The following SNX29 variants were observed in gnomAD, a reference collection of about 807,000 sequenced individuals.
The protein encoded by SNX29 is sorting nexin 29.
SNX29 carries 78 observed loss-of-function variants against 102.1 expected under a neutral mutation model. The observed-to-expected ratio is 0.76, with a 90% CI of 0.64 to 0.92. The LOEUF is 0.92. SNX29 is among the 40% of genes least tolerant of loss of function. The pLI is 0.00. For synonymous variants in SNX29, 580 were observed against 414.5 expected (o/e 1.40, Z -4.85); for missense variants, 1,280 against 1,061.7 (o/e 1.21, Z -2.86).
chr16:12,105,218 TCCC>T (rs2053182791), intron 11 of SNX29, among the ~76,000 whole-genome samples: 6 of 103,266 alleles, frequency 5.8e-5, no homozygotes, highest in Non-Finnish European at 9.9e-5. Flanking sequence ...CCTCCCTCCC[TCCC>T]TCCCTCCCTT....
At position 12,537,377 on chromosome 16, in the gene SNX29, AAGAG is replaced by A. The variant is rs1567670250; in HGVS notation, c.2318+12537_2318+12540del. On this transcript the variant is annotated intron_variant, in intron 20 of 20. Coordinates refer to ENST00000566228, the MANE Select transcript of SNX29 (RefSeq NM_032167.5). ...CATTGGCAACTTGGTGCATGACAGA[AAGAG>A]CAAGACTTTGAGCCAAACAGACCTG... 2.0e-5 allele frequency among the ~76,000 whole-genome samples: 3 copies of A among 152,360 alleles called. No homozygotes were observed. The South Asian group carries it at 6.2e-4, about 32-fold the overall frequency.
intron 19 of SNX29, among the ~76,000 whole-genome samples, chr16:12,493,305 T>C (rs1390315276): frequency 6.6e-6 from 1 of 152,206 alleles, no homozygotes; most frequent in African/African-American, 2.4e-5. Flanking sequence ...CAATTGTGAA[T>C]GGGAGTTCAC....
intron 8 of SNX29, 87 bp downstream of exon 8, chr16:12,052,309 C>T (rs552944103): frequency 5.4e-5 from 79 of 1,459,388 alleles, no homozygotes; most frequent in East Asian, 4.4e-4. Flanking sequence ...CTCCACCTCC[C>T]GGGTTCAAGC....
At chr16:12,463,122 G>C (rs764072357) in intron 18 of SNX29, among the ~76,000 whole-genome samples, 1 of 152,178 alleles carries the variant, frequency 6.6e-6, no homozygotes, top group Non-Finnish European at 1.5e-5. Context: ...AGGACGCCAG[G>C]CTCCTGGGCA....
chr16:12,565,995 C>G (rs1226296792), intron 20 of SNX29, among the ~76,000 whole-genome samples: 1 of 152,050 alleles, frequency 6.6e-6, no homozygotes, highest in Non-Finnish European at 1.5e-5. Context: ...CACTTCTGCA[C>G]CCCTTCATGC....
intron 18 of SNX29, among the ~76,000 whole-genome samples, chr16:12,470,910 A>G (rs1277572567): frequency 1.3e-5 from 2 of 152,162 alleles, no homozygotes; most frequent in Non-Finnish European, 2.9e-5. Context: ...CCTCACAACC[A>G]CCCAGTGACA....
intron 18 of SNX29, among the ~76,000 whole-genome samples, chr16:12,435,218 C>A (rs912843819): frequency 6.6e-6 from 1 of 152,204 alleles, no homozygotes; most frequent in Non-Finnish European, 1.5e-5. Context: ...TCCTCCCATC[C>A]CAAGAAATCA....
At chr16:12,160,719 A>G (rs1251515091) in intron 13 of SNX29, among the ~76,000 whole-genome samples, 1 of 152,196 alleles carries the variant, frequency 6.6e-6, no homozygotes. Context: ...TATCTTAAGG[A>G]AGATTAGAAA....
At chr16:12,305,902 T>C (rs1023566219) in intron 15 of SNX29, among the ~76,000 whole-genome samples, 1 of 152,166 alleles carries the variant, frequency 6.6e-6, no homozygotes, top group African/African-American at 2.4e-5. Context: ...CTCTGTAATA[T>C]GCCAATTCTC....
intron 19 of SNX29, among the ~76,000 whole-genome samples, chr16:12,522,553 G>T (rs1332595076): frequency 3.3e-5 from 5 of 152,136 alleles, no homozygotes; most frequent in Non-Finnish European, 7.3e-5. Context: ...GATCATGGGG[G>T]TGGATTTCCT....
chr16:12,330,601 G>A (rs2081266432), intron 15 of SNX29, among the ~76,000 whole-genome samples: 1 of 152,188 alleles, frequency 6.6e-6, no homozygotes, highest in South Asian at 2.1e-4. Flanking sequence ...GAGTCCCAGT[G>A]GGTTGAAATA....
In SNX29 at chr16:12,508,653, G is replaced by A. The variant is rs1038684236; in HGVS notation, c.2179-16049G>A. 7.9e-5 allele frequency among the ~76,000 whole-genome samples: 12 copies of A among 152,220 alleles called. No homozygotes were observed. In the South Asian group the frequency reaches 2.1e-3, roughly 26 times the overall value. On this transcript the variant is annotated intron_variant, in intron 19 of 20. Coordinates refer to ENST00000566228, the MANE Select transcript of SNX29 (RefSeq NM_032167.5). The stretch of plus-strand genomic sequence containing the variant: ...AGAGCGTCCCTCCCGCTTTACCAAC[G>A]TTCCTGGTGCCCTCTGTTAAGCCTG...
At chr16:12,076,396 G>A (rs762801556) in intron 10 of SNX29, among the ~76,000 whole-genome samples, 7 of 151,856 alleles carry the variant, frequency 4.6e-5, no homozygotes, top group Admixed American at 1.3e-4. Context: ...CGCCTCCTGG[G>A]TTCAAGTGAT....
chr16:12,038,949 G>T (rs1367544908), intron 4 of SNX29, among the ~76,000 whole-genome samples: 4 of 152,210 alleles, frequency 2.6e-5, no homozygotes, highest in African/African-American at 9.7e-5. Context: ...GTTTTGTACA[G>T]TTGTGTGGAG....
chr16:12,406,679 G>A (rs1265367318), intron 18 of SNX29, among the ~76,000 whole-genome samples: 1 of 152,242 alleles, frequency 6.6e-6, no homozygotes, highest in Non-Finnish European at 1.5e-5. Flanking sequence ...AGGCCGAGAT[G>A]GGTGGATCAC....
intron 14 of SNX29, 38 bp from the exon 15 acceptor site, chr16:12,277,895 T>C (rs1166339852): frequency 6.5e-7 from 1 of 1,539,888 alleles, no homozygotes; most frequent in Non-Finnish European, 8.8e-7. Flanking sequence ...TTTTCGATAC[T>C]GTTGAAATAT....
chr16:12,212,736 T>C (rs919217515), intron 14 of SNX29, among the ~76,000 whole-genome samples: 17 of 152,262 alleles, frequency 1.1e-4, no homozygotes, highest in African/African-American at 3.9e-4. Flanking sequence ...TTCTGGGTAT[T>C]AACCCCTTAT....
chr16:12,534,453 A>G (rs775349644), intron 20 of SNX29, among the ~76,000 whole-genome samples: 1 of 152,124 alleles, frequency 6.6e-6, no homozygotes, highest in Non-Finnish European at 1.5e-5. Flanking sequence ...AAGAACGCAG[A>G]TTAGGGAGGC....
At chr16:12,103,834 A>G (rs1413274445) in intron 11 of SNX29, among the ~76,000 whole-genome samples, 1 of 152,248 alleles carries the variant, frequency 6.6e-6, no homozygotes, top group African/African-American at 2.4e-5. Context: ...AGGAACTTAA[A>G]CAACTTTGCG....
Sources: gnomAD v4.1 joint callset for allele counts (sites outside exome capture counted in the v4.1 genomes callset) on GRCh38, gnomAD v4.1.1 for gene constraint, MANE v1.5 for transcripts, NCBI Gene and HGNC (gene_info 2026-07-23, HGNC 2026-07-21) for gene names.